The following ITGAM variants were observed in gnomAD, a reference collection of about 807,000 sequenced individuals.
The protein encoded by ITGAM is integrin alpha-M.
In ITGAM, 79 loss-of-function variants were observed where a neutral mutation model predicts 137.5. That is an observed-to-expected ratio of 0.57 (90% CI 0.48 to 0.69). The LOEUF is 0.69. Among genes scored for constraint, ITGAM ranks in the 30% least tolerant of loss-of-function variants. The pLI is 0.00. For synonymous variants in ITGAM, 583 were observed against 592.3 expected, an observed-to-expected ratio of 0.98 and a Z score of 0.23; for missense variants, 1,343 against 1,483.5, an observed-to-expected ratio of 0.91 and a Z score of 1.56.
chr16:31,319,251 T>C (rs1223260597), intron 14 of ITGAM, among the ~76,000 whole-genome samples: 2 of 150,768 alleles, frequency 1.3e-5, no homozygotes, highest in Admixed American at 6.6e-5. Context: ...TTTTTTTTTG[T>C]CTAGTTGTTC....
At position 31,324,508 on chromosome 16, in the gene ITGAM, C is replaced by G. The variant is rs1316693304; in HGVS notation, c.2112C>G (p.Val704=). Residue 704 remains valine (V), a synonymous_variant, in exon 17 of 30, where the codon GTC becomes GTG. Transcript: ENST00000544665. This position sits in a 1 kb window ranked among gnomAD's most constrained non-coding sequence, Gnocchi z 4.5. ...ACAGCACACGCAGACAGACACAGGT[C>G]TTGGGGCTGACCCAGACTTGTGAGA... The part of the protein sequence containing the change: ...TKNSTRRQTQ[V]LGLTQTCETL... 2.5e-6 allele frequency: 4 copies of G among 1,604,650 alleles called. No individual in the cohort carries two copies. Among genetic ancestry groups the G allele is most frequent in the Non-Finnish European group, 3.4e-6 (4 of 1,175,862 alleles).
chr16:31,297,853 A>G lies in ITGAM; in HGVS notation c.1606A>G (p.Thr536Ala). The change falls in exon 14 of 30, where the codon ACG becomes GCG. Residue 536 changes from threonine to alanine, a missense_variant. Transcript: ENST00000544665. ...GGGGGACGTAAATGGGGACAAGCTG[A>G]CGGACGTGGCCATTGGGGCCCCAGG... The part of the protein sequence containing the change: ...VLGDVNGDKL[T>A]DVAIGAPGEE... The G allele has an allele frequency of 1.2e-6, 2 of 1,613,692 alleles. No individual in the cohort carries two copies. Among genetic ancestry groups the G allele is most frequent in the Non-Finnish European group, 1.7e-6 (2 of 1,179,874 alleles).
At position 31,330,767 on chromosome 16, in the gene ITGAM, CAGAG is replaced by C. The variant is rs571164234; in HGVS notation, c.3276+166_3276+169del. Among the ~76,000 whole-genome samples, 467 of 150,418 alleles carry C rather than the reference CAGAG, an allele frequency of 3.1e-3. 5 individuals are homozygous for C. Among genetic ancestry groups the C allele is most frequent in the African/African-American group, 0.011 (437 of 40,674 alleles). On this transcript the variant is annotated intron_variant, in intron 28 of 29. Coordinates refer to ENST00000544665, the MANE Select transcript of ITGAM (RefSeq NM_000632.4). The stretch of plus-strand genomic sequence containing the variant: ...ACGTAAGGAGAGAGACAGACAGAGA[CAGAG>C]AGATAGAGGCAGAGGGAGAAACAGA...
At chr16:31,307,632 C>A (rs1034413706) in intron 14 of ITGAM, among the ~76,000 whole-genome samples, 1 of 152,084 alleles carries the variant, frequency 6.6e-6, no homozygotes, top group Admixed American at 6.5e-5. Flanking sequence ...AATCGAATGC[C>A]CTTTATTCCC....
chr16:31,300,223 A>G (rs560735942), intron 14 of ITGAM, among the ~76,000 whole-genome samples: 1 of 152,324 alleles, frequency 6.6e-6, no homozygotes, highest in Non-Finnish European at 1.5e-5. Flanking sequence ...GGCTATTGTG[A>G]ATAGTGCTGC....
intron 14 of ITGAM, among the ~76,000 whole-genome samples, chr16:31,309,883 A>G (rs2080306402): frequency 6.6e-6 from 1 of 152,080 alleles, no homozygotes; most frequent in African/African-American, 2.4e-5. Flanking sequence ...GTTTGTCTGT[A>G]AAGTATTTTA....
chr16:31,296,271 A>ATTT (rs144795335), intron 12 of ITGAM, among the ~76,000 whole-genome samples: 18 of 143,956 alleles, frequency 1.3e-4, no homozygotes, highest in African/African-American at 3.9e-4. Context: ...TGCCCTGCTA[A>ATTT]TTTTTTTTTT....
At chr16:31,322,329 T>G (rs2080459187) in intron 16 of ITGAM, among the ~76,000 whole-genome samples, 1 of 152,128 alleles carries the variant, frequency 6.6e-6, no homozygotes. Flanking sequence ...TTTCCTGTGC[T>G]GAGGAGATAG....
rs1334699110 is a variant in ITGAM at position 31,276,656 on chromosome 16, T to G, written c.1010-15T>G. 2.5e-6 allele frequency: 4 copies of G among 1,600,178 alleles called. No individual in the cohort carries two copies. The South Asian group carries it at 3.4e-5, about 13-fold the overall frequency. On this transcript the variant is annotated splice_polypyrimidine_tract_variant and intron_variant, in intron 9 of 29. Coordinates refer to ENST00000544665, the MANE Select transcript of ITGAM (RefSeq NM_000632.4). ...CTTCTGCTTTCTTTAATATAGAAACTTCTCCTCTTTACAGGTACTCAGACA... is the reference window on the plus strand; with the variant it reads ...CTTCTGCTTTCTTTAATATAGAAACGTCTCCTCTTTACAGGTACTCAGACA...
chr16:31,290,493 C>G (rs1286337627), intron 12 of ITGAM, among the ~76,000 whole-genome samples: 1 of 152,058 alleles, frequency 6.6e-6, no homozygotes, highest in Non-Finnish European at 1.5e-5. Flanking sequence ...ATGTAACCAC[C>G]TGAACAGATA....
chr16:31,288,803 C>T (rs1194000387), intron 12 of ITGAM, among the ~76,000 whole-genome samples: 1 of 152,106 alleles, frequency 6.6e-6, no homozygotes, highest in Non-Finnish European at 1.5e-5. Context: ...AAAGAAACTA[C>T]CATCAGAGTG....
At chr16:31,316,930 G>A (rs979636433) in intron 14 of ITGAM, among the ~76,000 whole-genome samples, 11 of 151,886 alleles carry the variant, frequency 7.2e-5, no homozygotes, top group Non-Finnish European at 1.6e-4. Context: ...AATAATTTTT[G>A]TATGTTCATT....
intron 16 of ITGAM, among the ~76,000 whole-genome samples, 167 bp downstream of exon 16, chr16:31,321,794 G>A (rs1212609954): frequency 2.0e-5 from 3 of 152,192 alleles, no homozygotes; most frequent in African/African-American, 7.2e-5. Context: ...CTGCTGGGTA[G>A]GGAAGTCCAG....
At chr16:31,270,743 A>ATATATATAT (rs1475429642) in intron 5 of ITGAM, among the ~76,000 whole-genome samples, 6 of 106,202 alleles carry the variant, frequency 5.6e-5, no homozygotes, top group Non-Finnish European at 8.9e-5. Context: ...ATATATATAT[A>ATATATATAT]TGTTTTTAAC....
chr16:31,311,527 T>C (rs897674249), intron 14 of ITGAM, among the ~76,000 whole-genome samples: 2 of 151,950 alleles, frequency 1.3e-5, no homozygotes, highest in Non-Finnish European at 2.9e-5. Context: ...AAAAGACACA[T>C]GAAAAAATGC....
In ITGAM at chr16:31,324,630, C is replaced by T; in HGVS notation, c.2158-21C>T. The T allele has an allele frequency of 1.2e-6, 2 of 1,606,026 alleles. No individual in the cohort carries two copies. The highest frequency in any genetic ancestry group is 1.7e-4 in the Middle Eastern group (1 of 6,018). On this transcript the variant is annotated intron_variant, in intron 17 of 29. Transcript: ENST00000544665. The surrounding 1 kb of genome is among the most constrained non-coding windows in gnomAD (Gnocchi z 4.5). The stretch of plus-strand genomic sequence containing the variant: ...TGGGGAGCTGAGGAGGGCAGATCCC[C>T]AAATCCCGGCTATCTCTTAGAATTG...
chr16:31,281,977 T>C (rs1024777876), intron 12 of ITGAM, among the ~76,000 whole-genome samples: 26 of 152,270 alleles, frequency 1.7e-4, no homozygotes, highest in African/African-American at 3.4e-4. Context: ...TTGTTATGTA[T>C]CCAGTAGTCA....
In ITGAM at chr16:31,259,998, T is replaced by C; in HGVS notation, c.-67T>C. 7.2e-7 allele frequency: 1 copy of C among 1,394,730 alleles called. No individual in the cohort carries two copies. The highest frequency in any genetic ancestry group is 1.8e-4 in the Middle Eastern group (1 of 5,714). 86.4% of individuals were successfully genotyped at this position (1,394,730 alleles called of 1,614,324 possible). The stretch of plus-strand genomic sequence containing the variant: ...GCCCTTCTTTGCTTTGGTGGCTTCC[T>C]TGTGGTTCCTCAGTGGTGCCTGCAA... On this transcript the variant is annotated 5_prime_UTR_variant, in exon 1 of 30. Transcript: ENST00000544665.
chr16:31,290,318 A>G (rs932969199), intron 12 of ITGAM, among the ~76,000 whole-genome samples: 2 of 152,108 alleles, frequency 1.3e-5, no homozygotes, highest in African/African-American at 2.4e-5. Flanking sequence ...AATGTTCTGG[A>G]GGTAGTGGTG....
Sources: gnomAD v4.1 joint callset for allele counts (sites outside exome capture counted in the v4.1 genomes callset) on GRCh38, gnomAD v4.1.1 for gene constraint, Gnocchi (gnomAD v3.1) non-coding constraint, MANE v1.5 for transcripts, NCBI Gene and HGNC (gene_info 2026-07-23, HGNC 2026-07-21) for gene names.